Variants in TNFRSF10A observed in about 807,000 individuals in gnomAD.
TNFRSF10A encodes TNF receptor superfamily member 10a.
In TNFRSF10A, 44 loss-of-function variants were observed where a neutral mutation model predicts 42.8. That is an observed-to-expected ratio of 1.03 (90% CI 0.81 to 1.32). The LOEUF is 1.32. Among genes scored for constraint, TNFRSF10A ranks in the 40% most tolerant of loss-of-function variants. The pLI is 0.00. For missense variants in TNFRSF10A, 680 were observed against 602.0 expected, an observed-to-expected ratio of 1.13 and a Z score of -1.36; for synonymous variants, 259 against 234.2, an observed-to-expected ratio of 1.11 and a Z score of -0.97.
At chr8:23,198,593 C>T (rs187518170) in intron 8 of TNFRSF10A, among the ~76,000 whole-genome samples, 1 of 151,608 alleles carries the variant, frequency 6.6e-6, no homozygotes, top group East Asian at 1.9e-4. Flanking sequence ...TCGTTTAAAA[C>T]AATGTTTTCC....
At chr8:23,194,553 T>C (rs1420202647) in intron 9 of TNFRSF10A, among the ~76,000 whole-genome samples, 1 of 152,180 alleles carries the variant, frequency 6.6e-6, no homozygotes, top group East Asian at 1.9e-4. Context: ...TAAGATTAAA[T>C]TAATGTTGTT....
At chr8:23,197,673 T>C (rs770028691) in intron 8 of TNFRSF10A, among the ~76,000 whole-genome samples, 4 of 152,218 alleles carry the variant, frequency 2.6e-5, no homozygotes, top group Non-Finnish European at 5.9e-5. Flanking sequence ...AAACGTAATG[T>C]GCTTGAATCA....
intron 1 of TNFRSF10A, 121 bp from the exon 2 acceptor site, chr8:23,212,333 G>T: frequency 6.1e-6 from 5 of 820,036 alleles, no homozygotes; most frequent in Admixed American, 2.0e-5. Context: ...CTTTCTCCCA[G>T]TTCTAAAACT....
intron 1 of TNFRSF10A, among the ~76,000 whole-genome samples, chr8:23,217,012 T>G (rs561792653): frequency 6.6e-6 from 1 of 152,334 alleles, no homozygotes; most frequent in Admixed American, 6.5e-5. Context: ...ATGTTGCATA[T>G]ATGCTCTATA....
chr8:23,191,976 C>A lies in TNFRSF10A; in HGVS notation c.1125G>T (p.Val375=). 2 of 1,614,138 alleles carry A rather than the reference C, an allele frequency of 1.2e-6. No individual in the cohort carries two copies. Among genetic ancestry groups the A allele is most frequent in the Non-Finnish European group, 1.7e-6 (2 of 1,180,026 alleles). The change falls in exon 10 of 10, where the codon GTG becomes GTT. Residue 375 remains valine, a synonymous_variant. Coordinates refer to ENST00000221132, the MANE Select transcript of TNFRSF10A (RefSeq NM_003844.4). Reference sequence around the variant, plus strand: ...TGAGCTGGTCCCAGGAGTCAAAGGGCACGATGTTTGCAAACTTGTCAAAGA... The same window carrying A: ...TGAGCTGGTCCCAGGAGTCAAAGGGAACGATGTTTGCAAACTTGTCAAAGA... ...MLFFDKFANI[V]PFDSWDQLMR...
At chr8:23,194,250 C>T (rs1322976343) in intron 9 of TNFRSF10A, among the ~76,000 whole-genome samples, 1 of 152,156 alleles carries the variant, frequency 6.6e-6, no homozygotes, top group Non-Finnish European at 1.5e-5. Context: ...TATTAAGTTA[C>T]ATGTTGTGTC....
Position 23,190,703 on chromosome 8 carries a change from T to A in TNFRSF10A, c.*991A>T, listed in dbSNP as rs929136676. The A allele has an allele frequency of 2.0e-5, 3 of 152,180 alleles. No homozygotes were observed. Among genetic ancestry groups the A allele is most frequent in the Admixed American group, 2.0e-4 (3 of 15,280 alleles). 9.4% of individuals were successfully genotyped at this position (152,180 alleles called of 1,614,324 possible). On this transcript the variant is annotated 3_prime_UTR_variant, in exon 10 of 10. Coordinates refer to ENST00000221132, the MANE Select transcript of TNFRSF10A (RefSeq NM_003844.4). ...ATGTTGTGGGGTAAATGACTATATA[T>A]GAAATGGGACTTATTGGAGGAATTA...
intron 6 of TNFRSF10A, 34 bp downstream of exon 6, chr8:23,200,471 G>C: frequency 1.2e-6 from 2 of 1,605,494 alleles, no homozygotes; most frequent in South Asian, 1.1e-5. Context: ...AGGGCAGAGA[G>C]TGCCCAGAGC....
At chr8:23,220,848 C>T (rs1318229062) in intron 1 of TNFRSF10A, among the ~76,000 whole-genome samples, 4 of 152,216 alleles carry the variant, frequency 2.6e-5, no homozygotes, top group Admixed American at 2.6e-4. Context: ...TGTTGCCTCT[C>T]AGTAGGGGCT....
At chr8:23,207,620 G>A (rs1010923009) in intron 2 of TNFRSF10A, among the ~76,000 whole-genome samples, 7 of 152,164 alleles carry the variant, frequency 4.6e-5, no homozygotes, top group Non-Finnish European at 1.0e-4. Context: ...GTAAGTTGTG[G>A]GAGGGATCCA....
chr8:23,200,895 G>T (rs117112615), intron 4 of TNFRSF10A, 135 bp from the exon 5 acceptor site: 319 of 850,032 alleles, frequency 3.8e-4, no homozygotes, highest in African/African-American at 1.6e-3. Flanking sequence ...GTATCTGCAG[G>T]GGGTCCCCCT....
chr8:23,222,025 C>T (rs922715374), intron 1 of TNFRSF10A, among the ~76,000 whole-genome samples: 3 of 152,012 alleles, frequency 2.0e-5, no homozygotes, highest in African/African-American at 4.8e-5. Flanking sequence ...TACAGGCGCC[C>T]GCCACCGTGC....
At chr8:23,202,069 C>A in intron 3 of TNFRSF10A, 150 bp from the exon 4 acceptor site, 1 of 659,470 alleles carries the variant, frequency 1.5e-6, no homozygotes, top group Non-Finnish European at 2.7e-6. Context: ...CACACTCGGG[C>A]TCACACAGGA....
chr8:23,211,597 G>GA (rs1430945544), intron 2 of TNFRSF10A, among the ~76,000 whole-genome samples: 1 of 152,020 alleles, frequency 6.6e-6, no homozygotes, highest in African/African-American at 2.4e-5. Flanking sequence ...AATAATTCTG[G>GA]AAAAGGAAAA....
rs1386135737 is a variant in TNFRSF10A at position 23,201,822 on chromosome 8, C to A, written c.615G>T (p.Arg205=). ...TGTTGTCTCACCCTCTGCTGCACTT[C>A]CGGCACATCTCAGCAGAATTGTCAT... ...FRNDNSAEMC[R]KCSRGCPRGM... The change falls in exon 4 of 10, where the codon CGG becomes CGT. Residue 205 remains arginine (R), a synonymous_variant. Transcript: ENST00000221132. The A allele has an allele frequency of 2.5e-6, 4 of 1,614,038 alleles. No homozygotes were observed. The highest frequency in any genetic ancestry group is 1.3e-5 in the African/African-American group (1 of 74,916).
At chr8:23,212,020 G>T (rs1801098719) in intron 2 of TNFRSF10A, 96 bp downstream of exon 2, 3 of 1,107,528 alleles carry the variant, frequency 2.7e-6, no homozygotes, top group South Asian at 2.8e-5. Flanking sequence ...ACATGGAAAA[G>T]GAATGTTATT....
rs1428665508 is a variant in TNFRSF10A, at chr8:23,200,368, G to A, written c.799+137C>T. ...AGGGTTGCACAGGATGGGAGGATGG[G>A]GGGTGATCACAAGGAGGAAGATAGA... On this transcript the variant is annotated intron_variant, in intron 6 of 9. Transcript: ENST00000221132. 3 of 936,050 alleles carry A rather than the reference G, an allele frequency of 3.2e-6. 1 individual carries two copies. The South Asian group carries it at 4.4e-5, about 14-fold the overall frequency. The allele number at this position is 936,050 out of a possible 1,614,324, so 58.0% of individuals were successfully genotyped here.
intron 8 of TNFRSF10A, among the ~76,000 whole-genome samples, chr8:23,198,291 C>A (rs1800852556): frequency 6.6e-6 from 1 of 152,128 alleles, no homozygotes. Flanking sequence ...ATGCAAAAAT[C>A]ACATCATTGA....
chr8:23,215,503 G>A (rs1053784256), intron 1 of TNFRSF10A, among the ~76,000 whole-genome samples: 2 of 148,204 alleles, frequency 1.3e-5, no homozygotes, highest in African/African-American at 5.0e-5. Context: ...GCGAGACTCC[G>A]ACTCAAAAAA....
Sources: allele counts gnomAD v4.1 joint callset (sites outside exome capture counted in the v4.1 genomes callset), GRCh38; gene constraint gnomAD v4.1.1; transcripts MANE v1.5; gene names NCBI Gene and HGNC (gene_info 2026-07-23, HGNC 2026-07-21).